GRM7: variants seen among roughly 807,000 people sequenced by gnomAD.
The protein encoded by GRM7 is glutamate metabotropic receptor 7.
GRM7 carries 35 observed loss-of-function variants against 84.5 expected under a neutral mutation model. The observed-to-expected ratio is 0.41, with a 90% CI of 0.32 to 0.55. GRM7 has a LOEUF of 0.55. Among genes scored for constraint, GRM7 ranks in the 20% least tolerant of loss-of-function variants. The probability of loss-of-function intolerance (pLI) is 0.19; values close to 1 mark genes in which losing one functional copy is unlikely to be tolerated. For synonymous variants in GRM7, 487 were observed against 455.1 expected, an observed-to-expected ratio of 1.07 and a Z score of -0.89; for missense variants, 1,003 against 1,194.6, an observed-to-expected ratio of 0.84 and a Z score of 2.36.
At chr3:7,676,676 T>G (rs574277360) in intron 8 of GRM7, among the ~76,000 whole-genome samples, 2 of 152,176 alleles carry the variant, frequency 1.3e-5, no homozygotes, top group African/African-American at 4.8e-5. Context: ...TCAGGTGATC[T>G]GCCCGCCTCG....
intron 1 of GRM7, among the ~76,000 whole-genome samples, chr3:7,126,241 G>C (rs1254198799): frequency 6.6e-6 from 1 of 152,130 alleles, no homozygotes; most frequent in African/African-American, 2.4e-5. Flanking sequence ...CCCAAAATAG[G>C]CTGCTGCTCT....
chr3:7,396,168 C>G (rs1043470044), intron 4 of GRM7, among the ~76,000 whole-genome samples: 1 of 152,036 alleles, frequency 6.6e-6, no homozygotes, highest in Admixed American at 6.6e-5. Flanking sequence ...CCAAGTACAC[C>G]TGGGAGAAAA....
chr3:7,004,297 A>G (rs1246529465), intron 1 of GRM7, among the ~76,000 whole-genome samples: 1 of 152,178 alleles, frequency 6.6e-6, no homozygotes, highest in Non-Finnish European at 1.5e-5. Context: ...CAAGAATTAC[A>G]TGTATATGAT....
chr3:7,278,898 G>C (rs1575113810), intron 2 of GRM7, among the ~76,000 whole-genome samples: 1 of 152,094 alleles, frequency 6.6e-6, no homozygotes, highest in Admixed American at 6.6e-5. Flanking sequence ...TAGCTTTTTG[G>C]TAGGTTGGAG....
At chr3:7,144,017 T>A (rs1160495995) in intron 1 of GRM7, among the ~76,000 whole-genome samples, 2 of 152,260 alleles carry the variant, frequency 1.3e-5, no homozygotes, top group South Asian at 4.1e-4. Context: ...TAAAGATATT[T>A]GTATGGGCTT....
At chr3:7,702,635 G>A (rs192207744) in intron 9 of GRM7, among the ~76,000 whole-genome samples, 1 of 152,280 alleles carries the variant, frequency 6.6e-6, no homozygotes, top group East Asian at 1.9e-4. Flanking sequence ...GATGCTTTAA[G>A]TTATTCTTAT....
intron 1 of GRM7, among the ~76,000 whole-genome samples, chr3:7,070,649 C>T (rs1218818935): frequency 1.3e-5 from 2 of 151,954 alleles, no homozygotes; most frequent in African/African-American, 2.4e-5. Flanking sequence ...GATTCCTTTT[C>T]CTGTCCCTTC....
intron 2 of GRM7, among the ~76,000 whole-genome samples, chr3:7,243,807 A>G (rs1043024749): frequency 1.3e-5 from 2 of 152,164 alleles, no homozygotes; most frequent in Admixed American, 6.6e-5. Context: ...GCTATATGGT[A>G]TAGCCCATTC....
chr3:7,567,679 C>T (rs961356349), intron 7 of GRM7, among the ~76,000 whole-genome samples: 2 of 132,222 alleles, frequency 1.5e-5, no homozygotes, highest in Admixed American at 1.8e-4. Flanking sequence ...ACCCGGGAGG[C>T]AGAGGTTGCA....
intron 9 of GRM7, chr3:7,686,405 A>G: frequency 1.3e-6 from 2 of 1,560,426 alleles, no homozygotes; most frequent in Non-Finnish European, 1.8e-6. Context: ...GTTACTTGGT[A>G]CACTATCCCA....
intron 7 of GRM7, among the ~76,000 whole-genome samples, chr3:7,534,610 G>A (rs75121286): frequency 6.6e-6 from 1 of 151,978 alleles, no homozygotes. Context: ...ACCTTAAAAA[G>A]TCCCTTTAAA....
At position 7,579,282 on chromosome 3, in the gene GRM7, C is replaced by A; in HGVS notation, c.2376C>A (p.Phe792Leu). 6.2e-7 allele frequency: 1 copy of A among 1,613,892 alleles called. No homozygotes were observed. Among genetic ancestry groups the A allele is most frequent in the Non-Finnish European group, 8.5e-7 (1 of 1,179,808 alleles). ...ENFNEAKPIG[F>L]TMYTTCIVWL... Reference sequence around the variant, plus strand: ...TTAACGAAGCCAAGCCCATTGGATTCACTATGTACACGACATGTATAGTAT... The same window carrying A: ...TTAACGAAGCCAAGCCCATTGGATTAACTATGTACACGACATGTATAGTAT... Residue 792 changes from phenylalanine (F) to leucine (L), a missense_variant, in exon 8 of 10, where the codon TTC becomes TTA. By Grantham distance (22) the Phe-to-Leu change is conservative. This residue lies in a region of GRM7 where 910 missense variants were observed against 1,126.0 expected (regional missense o/e 0.81). Transcript: ENST00000357716.
chr3:7,731,732 A>C (rs1702339177), intron 9 of GRM7, among the ~76,000 whole-genome samples: 1 of 152,176 alleles, frequency 6.6e-6, no homozygotes, highest in Admixed American at 6.5e-5. Context: ...CCTGCAAATA[A>C]CACCACAATT....
chr3:6,974,056 G>T (rs868416381), intron 1 of GRM7, among the ~76,000 whole-genome samples: 3 of 152,182 alleles, frequency 2.0e-5, no homozygotes, highest in African/African-American at 7.2e-5. Context: ...AATTTGAAAT[G>T]AAGCGATTGG....
At chr3:7,150,064 C>CAT (rs1216171930) in intron 2 of GRM7, among the ~76,000 whole-genome samples, 7 of 145,734 alleles carry the variant, frequency 4.8e-5, no homozygotes, top group African/African-American at 7.6e-5. Flanking sequence ...TATGTGTATA[C>CAT]ATATATGTGT....
At chr3:7,710,063 G>A (rs1443003161) in intron 9 of GRM7, among the ~76,000 whole-genome samples, 4 of 151,868 alleles carry the variant, frequency 2.6e-5, no homozygotes, top group African/African-American at 9.7e-5. Context: ...TAGTACATAA[G>A]TACTATGCAT....
chr3:7,187,595 C>T (rs963770733), intron 2 of GRM7, among the ~76,000 whole-genome samples: 16 of 151,914 alleles, frequency 1.1e-4, no homozygotes, highest in African/African-American at 3.9e-4. Context: ...CGTGATTGCT[C>T]CTGCAGAGCA....
At chr3:7,169,286 A>G (rs1323018451) in intron 2 of GRM7, among the ~76,000 whole-genome samples, 1 of 152,116 alleles carries the variant, frequency 6.6e-6, no homozygotes, top group African/African-American at 2.4e-5. Flanking sequence ...CAGTGTATCC[A>G]TTTTGTAGAA....
intron 9 of GRM7, among the ~76,000 whole-genome samples, chr3:7,730,418 C>G (rs1260578595): frequency 2.0e-5 from 3 of 152,146 alleles, no homozygotes; most frequent in African/African-American, 7.2e-5. Context: ...ATCCCTATTG[C>G]CTAAAACAGT....
Sources: allele counts gnomAD v4.1 joint callset (sites outside exome capture counted in the v4.1 genomes callset), GRCh38; gene constraint gnomAD v4.1.1; regional missense constraint gnomAD v4.1.1; transcripts MANE v1.5; gene names NCBI Gene and HGNC (gene_info 2026-07-23, HGNC 2026-07-21).